SLC39A6: variants seen among roughly 807,000 people sequenced by gnomAD.
SLC39A6 encodes the protein solute carrier family 39 member 6, also known as zinc transporter ZIP6.
In SLC39A6, 51 loss-of-function variants were observed where a neutral mutation model predicts 63.5. The ratio of observed to expected loss-of-function variants is 0.80; its 90% confidence interval spans 0.64 to 1.01. The LOEUF is 1.01. Ranked by LOEUF, SLC39A6 falls within the 50% of genes least tolerant of loss-of-function variation. The pLI is 0.00. For missense variants in SLC39A6, 805 were observed against 927.8 expected (o/e 0.87, Z 1.72); for synonymous variants, 318 against 324.7 (o/e 0.98, Z 0.22).
chr18:36,120,659 CTTCT>C (rs1488179293), intron 5 of SLC39A6, among the ~76,000 whole-genome samples: 14 of 152,110 alleles, frequency 9.2e-5, no homozygotes, highest in Admixed American at 9.2e-4. Context: ...TAAGGAGTTA[CTTCT>C]TTTTTGGGGG....
intron 2 of SLC39A6, 132 bp from the exon 3 acceptor site, chr18:36,124,832 G>C (rs1411246789): frequency 7.0e-6 from 5 of 711,778 alleles, no homozygotes; most frequent in Non-Finnish European, 1.1e-5. Context: ...CTTCTGTTTT[G>C]AGCACTTTGG....
intron 9 of SLC39A6, among the ~76,000 whole-genome samples, chr18:36,110,836 C>T (rs943596312): frequency 1.3e-5 from 2 of 151,600 alleles, no homozygotes; most frequent in African/African-American, 4.9e-5. Context: ...GCCACCGTGC[C>T]CAGCCAAAAA....
rs539332239 is a variant in SLC39A6, at chr18:36,109,824, G to C, written c.2116-79C>G. The C allele has an allele frequency of 2.6e-5, 30 of 1,136,850 alleles. No homozygotes were observed. The African/African-American group carries it at 4.5e-4, about 17-fold the overall frequency. 70.4% of individuals were successfully genotyped at this position (1,136,850 alleles called of 1,614,324 possible). On this transcript the variant is annotated intron_variant, in intron 9 of 9. Coordinates refer to ENST00000269187, the MANE Select transcript of SLC39A6 (RefSeq NM_012319.4). ...AGATTAGTTTTTAGAAAAATTTATA[G>C]GACAGTATACTAGCTTTATTTGTAG...
chr18:36,126,889 C>T lies in SLC39A6; in HGVS notation c.119G>A (p.Trp40Ter), dbSNP rs2089444052. Reference protein sequence around the residue: ...PQTTEKISPNWESGINVDLAI... With the variant: ...PQTTEKISPN Reference sequence around the variant, plus strand: ...CAAGTCAACATTAATGCCAGATTCCCAATTCGGACTAATTTTCTCAGTGGT... The same window carrying T: ...CAAGTCAACATTAATGCCAGATTCCTAATTCGGACTAATTTTCTCAGTGGT... The change falls in exon 2 of 10, where the codon TGG becomes TAG. Residue 40 changes from tryptophan (W) to a stop codon, truncating the protein, a stop_gained. Transcript: ENST00000269187. LOFTEE classifies it high-confidence loss of function. 3 of 1,614,094 alleles carry T rather than the reference C, an allele frequency of 1.9e-6. No homozygotes were observed. Among genetic ancestry groups the T allele is most frequent in the Non-Finnish European group, 2.5e-6 (3 of 1,180,028 alleles).
intron 6 of SLC39A6, among the ~76,000 whole-genome samples, chr18:36,115,495 C>CAACAACT (rs1176216432): frequency 6.9e-6 from 1 of 144,726 alleles, no homozygotes; most frequent in African/African-American, 2.7e-5. Context: ...CAACAACAAC[C>CAACAACT]ATATATCAAA....
At chr18:36,118,803 G>A (rs1471339825) in intron 5 of SLC39A6, among the ~76,000 whole-genome samples, 2 of 152,196 alleles carry the variant, frequency 1.3e-5, no homozygotes, top group East Asian at 1.9e-4. Flanking sequence ...TTGGGAAAAG[G>A]AGGAAAACAA....
chr18:36,124,442 G>A, intron 3 of SLC39A6, 78 bp downstream of exon 3: 1 of 891,350 alleles, frequency 1.1e-6, no homozygotes, highest in East Asian at 2.5e-5. Context: ...AAAACAAATA[G>A]GCTGATGCAA....
rs1389952657 is a variant in SLC39A6 at position 36,109,568 on chromosome 18, AGC to A, written c.*23_*24del. 1.5e-5 allele frequency: 24 copies of A among 1,576,842 alleles called. No individual in the cohort carries two copies. In the East Asian group the frequency reaches 5.4e-4, roughly 35 times the overall value. ...CTACTGAAACTATGACAACTTTTTA[AGC>A]TACTCTAGCATTTAAACCTTAACTA... On this transcript the variant is annotated 3_prime_UTR_variant, in exon 10 of 10. Coordinates refer to ENST00000269187, the MANE Select transcript of SLC39A6 (RefSeq NM_012319.4).
At chr18:36,124,492 T>A in intron 3 of SLC39A6, 28 bp downstream of exon 3, 1 of 1,441,472 alleles carries the variant, frequency 6.9e-7, no homozygotes, top group African/African-American at 1.4e-5. Flanking sequence ...CTACTGAAAT[T>A]GTTTTTACAT....
chr18:36,113,177 C>T (rs1472228176), intron 7 of SLC39A6, among the ~76,000 whole-genome samples: 1 of 151,996 alleles, frequency 6.6e-6, no homozygotes, highest in Non-Finnish European at 1.5e-5. Flanking sequence ...TCACTAGAAC[C>T]TCAAACTCCC....
Position 36,126,213 on chromosome 18 carries a change from T to G in SLC39A6, c.789+6A>C. ...ATATTAAAATAATGAACAGCACTCA[T>G]CTTACCTCCTGAGGATTTTCATTTG... On this transcript the variant is annotated splice_donor_region_variant and intron_variant, in intron 2 of 9. Transcript: ENST00000269187. 2.5e-6 allele frequency: 4 copies of G among 1,611,978 alleles called. No homozygotes were observed. Among genetic ancestry groups the G allele is most frequent in the Non-Finnish European group, 3.4e-6 (4 of 1,178,684 alleles).
At chr18:36,119,549 A>G (rs897756179) in intron 5 of SLC39A6, among the ~76,000 whole-genome samples, 20 of 151,190 alleles carry the variant, frequency 1.3e-4, no homozygotes, top group African/African-American at 4.2e-4. Flanking sequence ...AAATAGTAAT[A>G]TATAATATTA....
At chr18:36,127,909 G>C (rs1334295293) in intron 1 of SLC39A6, among the ~76,000 whole-genome samples, 2 of 151,534 alleles carry the variant, frequency 1.3e-5, no homozygotes, top group African/African-American at 4.9e-5. Context: ...ACTACGCCCA[G>C]CCTCAAATAA....
chr18:36,117,428 T>A (rs899630584), intron 5 of SLC39A6, among the ~76,000 whole-genome samples: 10 of 152,172 alleles, frequency 6.6e-5, no homozygotes, highest in African/African-American at 1.9e-4. Context: ...TTAACATGAT[T>A]TCTCTTTTAA....
intron 6 of SLC39A6, 149 bp from the exon 7 acceptor site, chr18:36,114,623 T>C (rs553801272): frequency 3.5e-6 from 2 of 566,078 alleles, no homozygotes; most frequent in Non-Finnish European, 6.1e-6. Context: ...AAAGTATTAC[T>C]GATGAAAAAC....
chr18:36,114,730 C>T (rs2089329744), intron 6 of SLC39A6, among the ~76,000 whole-genome samples: 1 of 152,132 alleles, frequency 6.6e-6, no homozygotes, highest in Admixed American at 6.5e-5. Flanking sequence ...TCAGATGCTC[C>T]CTCAATTTCT....
chr18:36,123,389 A>C, intron 4 of SLC39A6, 106 bp downstream of exon 4: 1 of 1,074,160 alleles, frequency 9.3e-7, no homozygotes, highest in Non-Finnish European at 1.3e-6. Flanking sequence ...AAGCTTTTCT[A>C]AACCAAATTT....
At position 36,129,221 on chromosome 18, in the gene SLC39A6, C is replaced by G. The variant is rs2089496067; in HGVS notation, c.-117G>C. 6.4e-6 allele frequency: 1 copy of G among 155,390 alleles called. No individual in the cohort carries two copies. 9.6% of individuals were successfully genotyped at this position (155,390 alleles called of 1,614,324 possible). On this transcript the variant is annotated 5_prime_UTR_variant, in exon 1 of 10. The change abolishes the stop of an existing upstream ORF in the 5' untranslated region. Transcript: ENST00000269187. The stretch of plus-strand genomic sequence containing the variant: ...GCCCACTGGTGTCTTCGAGAAATCT[C>G]TACCAGGCGCGAACACGCGGTGGTT...
At chr18:36,113,272 T>A (rs2089316291) in intron 7 of SLC39A6, among the ~76,000 whole-genome samples, 1 of 152,000 alleles carries the variant, frequency 6.6e-6, no homozygotes, top group Non-Finnish European at 1.5e-5. Flanking sequence ...TTTTTTTTTT[T>A]TTTATTTGTA....
Sources: gnomAD v4.1 joint callset for allele counts (sites outside exome capture counted in the v4.1 genomes callset) on GRCh38, gnomAD v4.1.1 for gene constraint, MANE v1.5 for transcripts, NCBI Gene and HGNC (gene_info 2026-07-23, HGNC 2026-07-21) for gene names.